The following SERTAD4 variants were observed in gnomAD, a reference collection of about 807,000 sequenced individuals.
The protein encoded by SERTAD4 is SERTA domain-containing protein 4.
In SERTAD4, 18 loss-of-function variants were observed where a neutral mutation model predicts 32.9. The observed-to-expected ratio is 0.55, with a 90% CI of 0.38 to 0.81. The LOEUF is 0.81. Ranked by LOEUF, SERTAD4 falls within the 30% of genes least tolerant of loss-of-function variation. The pLI is 0.00. For missense variants in SERTAD4, 383 were observed against 426.0 expected (o/e 0.90, Z 0.89); for synonymous variants, 150 against 156.4 (o/e 0.96, Z 0.30).
intron 3 of SERTAD4, 113 bp from the exon 4 acceptor site, chr1:210,241,445 A>G: frequency 9.1e-7 from 1 of 1,094,490 alleles, no homozygotes; most frequent in South Asian, 1.7e-5. Context: ...CCAGACCCAG[A>G]CAGTGCCAAG....
In SERTAD4 at chr1:210,241,924, C is replaced by T. The variant is rs1409230216; in HGVS notation, c.658C>T (p.Pro220Ser). The stretch of plus-strand genomic sequence containing the variant: ...AAGTGCCTCCACTGCTGCCTCCTCT[C>T]CCTCCGCCTCTTCTTCCTCCTCATC... ...VGSASTAASS[P>S]SASSSSSSSS... The change falls in exon 4 of 4, where the codon CCC (proline) becomes TCC (serine). Residue 220 changes from proline to serine, a missense_variant. Physicochemically the swap from Pro to Ser is moderately conservative, Grantham distance 74. This residue lies in a region of SERTAD4 where 180 missense variants were observed against 190.6 expected (regional missense o/e 0.94). Transcript: ENST00000367012. 5.6e-6 allele frequency: 9 copies of T among 1,614,024 alleles called. No homozygotes were observed. The African/African-American group carries it at 1.1e-4, about 19-fold the overall frequency.
chr1:210,236,472 C>A (rs889882254), intron 1 of SERTAD4, among the ~76,000 whole-genome samples: 12 of 152,184 alleles, frequency 7.9e-5, no homozygotes, highest in Non-Finnish European at 1.8e-4. Flanking sequence ...AAGGTAGAGT[C>A]ATTGCTGCCA....
At chr1:210,233,995 A>T (rs199877386) in intron 1 of SERTAD4, 7,112 of 281,500 alleles carry the variant, frequency 0.025, 95 homozygotes, top group African/African-American at 0.052. Flanking sequence ...TTTTTTTTTT[A>T]AAAAAAAAAA....
At chr1:210,234,854 G>A (rs972759396) in intron 1 of SERTAD4, among the ~76,000 whole-genome samples, 1 of 152,144 alleles carries the variant, frequency 6.6e-6, no homozygotes, top group African/African-American at 2.4e-5. Flanking sequence ...TTGCTTCTAG[G>A]AAAGAACAAG....
At position 210,233,994 on chromosome 1, in the gene SERTAD4, T is replaced by TAAA. The variant is rs1269438559; in HGVS notation, c.-18+993_-18+995dup. On this transcript the variant is annotated intron_variant, in intron 1 of 3. Transcript: ENST00000367012. ...TTAGAAGGAAACTTGGTTTTTTTTT[T>TAAA]AAAAAAAAAAAAGGATAAGACATAA... is the stretch of plus-strand genomic sequence containing the variant. The TAAA allele has an allele frequency of 6.6e-3, 2,224 of 334,842 alleles. 47 individuals carry two copies. Among genetic ancestry groups the TAAA allele is most frequent in the African/African-American group, 0.042 (1,755 of 41,784 alleles). 20.7% of individuals were successfully genotyped at this position (334,842 alleles called of 1,614,324 possible).
At chr1:210,238,681 A>C (rs1245415162) in intron 2 of SERTAD4, among the ~76,000 whole-genome samples, 2 of 152,342 alleles carry the variant, frequency 1.3e-5, no homozygotes, top group Non-Finnish European at 2.9e-5. Context: ...AACACAAAAA[A>C]ATTTGCAACC....
chr1:210,243,146 T>C lies in SERTAD4; in HGVS notation c.*809T>C. The C allele has an allele frequency of 4.1e-6, 4 of 970,412 alleles. No individual in the cohort carries two copies. Among genetic ancestry groups the C allele is most frequent in the Non-Finnish European group, 4.9e-6 (4 of 820,092 alleles). 60.1% of individuals were successfully genotyped at this position (970,412 alleles called of 1,614,324 possible). The stretch of plus-strand genomic sequence containing the variant: ...GGGTGGATCAATATGGTTTGGAAAC[T>C]GTTAACTTTGAACTATTGTGTTCAG... On this transcript the variant is annotated 3_prime_UTR_variant, in exon 4 of 4. Coordinates refer to ENST00000367012, the MANE Select transcript of SERTAD4 (RefSeq NM_019605.5).
In SERTAD4 at chr1:210,242,363, C is replaced by T. The variant is rs753502966; in HGVS notation, c.*26C>T. The T allele has an allele frequency of 2.6e-6, 4 of 1,532,380 alleles. No homozygotes were observed. The highest frequency in any genetic ancestry group is 2.8e-5 in the African/African-American group (2 of 71,986). 94.9% of individuals were successfully genotyped at this position (1,532,380 alleles called of 1,614,324 possible). ...GCCATCTTCTCACCGAACTTTGAAG[C>T]ATGCACAGCATGATCAGTTAGCTCT... On this transcript the variant is annotated 3_prime_UTR_variant, in exon 4 of 4. Transcript: ENST00000367012. The surrounding 1 kb of genome is among the most constrained non-coding windows in gnomAD (Gnocchi z 4.0).
In SERTAD4 at chr1:210,244,608, TATTATG is replaced by T. The variant is rs2084030056; in HGVS notation, c.*2273_*2278del. 1.3e-5 allele frequency: 2 copies of T among 152,200 alleles called. No individual in the cohort carries two copies. The highest frequency in any genetic ancestry group is 1.3e-4 in the Admixed American group (2 of 15,276). The allele number at this position is 152,200 out of a possible 1,614,324, so 9.4% of individuals were successfully genotyped here. On this transcript the variant is annotated 3_prime_UTR_variant, in exon 4 of 4. Coordinates refer to ENST00000367012, the MANE Select transcript of SERTAD4 (RefSeq NM_019605.5). ...ATTAATTTGTCAAATGTAGCATTCT[TATTATG>T]AGTGTAATATCTCATGGAGATTTAA...
intron 3 of SERTAD4, among the ~76,000 whole-genome samples, chr1:210,240,778 A>C (rs1178407368): frequency 6.6e-6 from 1 of 152,102 alleles, no homozygotes; most frequent in Non-Finnish European, 1.5e-5. Context: ...CCTTCAACTG[A>C]CACATTCTGT....
rs548942574 is a variant in SERTAD4 at position 210,242,552 on chromosome 1, C to T, written c.*215C>T. 51 of 1,308,432 alleles carry T rather than the reference C, an allele frequency of 3.9e-5. No individual in the cohort carries two copies. In the African/African-American group the frequency reaches 4.5e-4, roughly 12 times the overall value. 81.1% of individuals were successfully genotyped at this position (1,308,432 alleles called of 1,614,324 possible). A position where few individuals can be genotyped will look rare whatever the true frequency, so the allele number is the denominator to read the frequency against. ...AATGTGGTGATTTTTACCAAGGAAACGATTGACTTAATGCTTAAAAGTATA... is the reference window on the plus strand; with the variant it reads ...AATGTGGTGATTTTTACCAAGGAAATGATTGACTTAATGCTTAAAAGTATA... On this transcript the variant is annotated 3_prime_UTR_variant, in exon 4 of 4. Transcript: ENST00000367012. This position sits in a 1 kb window ranked among gnomAD's most constrained non-coding sequence, Gnocchi z 4.0.
chr1:210,237,547 C>T (rs938735034), intron 1 of SERTAD4: 6 of 172,518 alleles, frequency 3.5e-5, no homozygotes, highest in African/African-American at 1.4e-4. Context: ...GGGGGATTGA[C>T]TAGAAAATTG....
chr1:210,238,058 G>C lies in SERTAD4; in HGVS notation c.98G>C (p.Ser33Thr), dbSNP rs1294437103. 6.2e-7 allele frequency: 1 copy of C among 1,613,860 alleles called. No individual in the cohort carries two copies. The highest frequency in any genetic ancestry group is 1.1e-5 in the South Asian group (1 of 91,052). The change falls in exon 2 of 4, where the codon AGC becomes ACC. Residue 33 changes from serine to threonine, a missense_variant. This residue lies in a region of SERTAD4 where 96 missense variants were observed against 76.6 expected (regional missense o/e 1.25). Transcript: ENST00000367012. ...TACCAAACACTATGGGAGGCTGACAGCTACGGAGGCCCAAGCCCCCCAGGG... is the reference window on the plus strand; with the variant it reads ...TACCAAACACTATGGGAGGCTGACACCTACGGAGGCCCAAGCCCCCCAGGG... ...AGYQTLWEAD[S>T]YGGPSPPGPA...
In SERTAD4 at chr1:210,243,108, A is replaced by C. The variant is rs1263205812; in HGVS notation, c.*771A>C. 1 of 963,798 alleles carries C rather than the reference A, an allele frequency of 1.0e-6. No individual in the cohort carries two copies. The highest frequency in any genetic ancestry group is 1.9e-5 in the African/African-American group (1 of 53,412). 59.7% of individuals were successfully genotyped at this position (963,798 alleles called of 1,614,324 possible). A position where few individuals can be genotyped will look rare whatever the true frequency, so the allele number is the denominator to read the frequency against. On this transcript the variant is annotated 3_prime_UTR_variant, in exon 4 of 4. Coordinates refer to ENST00000367012, the MANE Select transcript of SERTAD4 (RefSeq NM_019605.5). The stretch of plus-strand genomic sequence containing the variant: ...ACAAACAGGACAAAAAAAAAAAAAA[A>C]AAAAAAACCACAGGGTGGATCAATA...
In SERTAD4 at chr1:210,242,226, C is replaced by T. The variant is rs751774949; in HGVS notation, c.960C>T (p.Thr320=). 30 of 1,613,896 alleles carry T rather than the reference C, an allele frequency of 1.9e-5. No homozygotes were observed. Among genetic ancestry groups the T allele is most frequent in the African/African-American group, 2.7e-5 (2 of 74,862 alleles). The change falls in exon 4 of 4, where the codon ACC becomes ACT. Residue 320 remains threonine (T), a synonymous_variant. Transcript: ENST00000367012. This position sits in a 1 kb window ranked among gnomAD's most constrained non-coding sequence, Gnocchi z 4.0. ...CKGQFYDYFE[T]GYNERNNVNE... is the part of the protein sequence containing the mutation. Reference sequence around the variant, plus strand: ...GCCAATTTTATGATTATTTTGAGACCGGATATAATGAAAGAAACAATGTAA... The same window carrying T: ...GCCAATTTTATGATTATTTTGAGACTGGATATAATGAAAGAAACAATGTAA...
At chr1:210,236,533 C>A (rs1391348046) in intron 1 of SERTAD4, among the ~76,000 whole-genome samples, 1 of 152,218 alleles carries the variant, frequency 6.6e-6, no homozygotes. Flanking sequence ...GATGCTATTT[C>A]GCCTTACCCT....
chr1:210,244,858 T>G lies in SERTAD4; in HGVS notation c.*2521T>G, dbSNP rs991692747. 2 of 152,170 alleles carry G rather than the reference T, an allele frequency of 1.3e-5. No individual in the cohort carries two copies. The highest frequency in any genetic ancestry group is 2.9e-5 in the Non-Finnish European group (2 of 68,014). 9.4% of individuals were successfully genotyped at this position (152,170 alleles called of 1,614,324 possible). On this transcript the variant is annotated 3_prime_UTR_variant, in exon 4 of 4. Transcript: ENST00000367012. ...AATCCAGCAGCATAAAAATCTGTTC[T>G]TTTTAGTCATCAAGTTTTTGTTTCC...
chr1:210,233,700 C>G (rs918741037), intron 1 of SERTAD4: 7 of 470,842 alleles, frequency 1.5e-5, no homozygotes, highest in African/African-American at 1.4e-4. Flanking sequence ...CCCTTCCTCC[C>G]CTCCCGCCTC....
chr1:210,243,114 A>AAAAACC lies in SERTAD4; in HGVS notation c.*778_*779insAAACCA. 1.4e-6 allele frequency: 1 copy of AAAAACC among 695,692 alleles called. No homozygotes were observed. Among genetic ancestry groups the AAAAACC allele is most frequent in the Non-Finnish European group, 1.8e-6 (1 of 567,270 alleles). The allele number at this position is 695,692 out of a possible 1,614,324, so 43.1% of individuals were successfully genotyped here. A position where few individuals can be genotyped will look rare whatever the true frequency, so the allele number is the denominator to read the frequency against. Reference sequence around the variant, plus strand: ...AGGACAAAAAAAAAAAAAAAAAAAAAACCACAGGGTGGATCAATATGGTTT... The same window carrying AAAAACC: ...AGGACAAAAAAAAAAAAAAAAAAAAAAAAACCACCACAGGGTGGATCAATATGGTTT... On this transcript the variant is annotated 3_prime_UTR_variant, in exon 4 of 4. Transcript: ENST00000367012.
Sources: allele counts gnomAD v4.1 joint callset (sites outside exome capture counted in the v4.1 genomes callset), GRCh38; gene constraint gnomAD v4.1.1; regional missense constraint gnomAD v4.1.1; non-coding constraint Gnocchi (gnomAD v3.1); transcripts MANE v1.5; gene names NCBI Gene and HGNC (gene_info 2026-07-23, HGNC 2026-07-21).